Variants in PAPPA2 observed in about 807,000 individuals in gnomAD.
PAPPA2 encodes the protein pappalysin 2, also known as pappalysin-2.
A neutral mutation model predicts 176.4 loss-of-function variants in PAPPA2; 86 were observed. The observed-to-expected ratio is 0.49, with a 90% CI of 0.41 to 0.58. The LOEUF (loss-of-function observed/expected upper bound fraction) is 0.58. PAPPA2 is among the 20% of genes least tolerant of loss of function. PAPPA2 has a pLI of 0.00. For missense variants in PAPPA2, 2,073 were observed against 2,256.9 expected, an observed-to-expected ratio of 0.92 and a Z score of 1.65; for synonymous variants, 809 against 852.2, an observed-to-expected ratio of 0.95 and a Z score of 0.88.
intron 14 of PAPPA2, among the ~76,000 whole-genome samples, chr1:176,764,386 T>C (rs899916088): frequency 3.1e-4 from 47 of 152,276 alleles, no homozygotes; most frequent in African/African-American, 1.0e-3. Context: ...AGTAGAGGAA[T>C]AACAACTCTG....
chr1:176,518,539 A>C (rs1649045623), intron 1 of PAPPA2, among the ~76,000 whole-genome samples: 1 of 152,152 alleles, frequency 6.6e-6, no homozygotes, highest in Non-Finnish European at 1.5e-5. Flanking sequence ...GTTTGAAAGG[A>C]AGCTAAACAG....
intron 12 of PAPPA2, among the ~76,000 whole-genome samples, chr1:176,733,447 G>T (rs951930768): frequency 4.6e-5 from 7 of 151,930 alleles, no homozygotes; most frequent in African/African-American, 1.7e-4. Flanking sequence ...ATTCTCAGTG[G>T]GTCAATAGTT....
rs535355695 is a variant in PAPPA2, at chr1:176,764,599, T to C, written c.4152-1067T>C. On this transcript the variant is annotated intron_variant, in intron 14 of 22. Transcript: ENST00000367662. ...ACTCATTTTGCTCCAGTGTATTCTT[T>C]TTTTTTTTTTTTTTTGAGACGGAGT... Among the ~76,000 whole-genome samples, 939 of 150,098 alleles carry C rather than the reference T, an allele frequency of 6.3e-3. 6 individuals carry two copies. The highest frequency in any genetic ancestry group is 0.014 in the Middle Eastern group (4 of 288).
chr1:176,479,529 T>TC (rs1185397422), intron 1 of PAPPA2, among the ~76,000 whole-genome samples: 5 of 152,138 alleles, frequency 3.3e-5, no homozygotes, highest in Admixed American at 6.5e-5. Context: ...GGGAGAGGTT[T>TC]AGGGAGGAGA....
intron 3 of PAPPA2, among the ~76,000 whole-genome samples, chr1:176,597,154 G>A (rs1408787831): frequency 6.6e-6 from 1 of 152,138 alleles, no homozygotes; most frequent in Non-Finnish European, 1.5e-5. Context: ...TGGAATCAAG[G>A]GACATGGTTA....
intron 12 of PAPPA2, among the ~76,000 whole-genome samples, chr1:176,735,309 G>A (rs1377010934): frequency 6.6e-6 from 1 of 152,082 alleles, no homozygotes; most frequent in Non-Finnish European, 1.5e-5. Flanking sequence ...GTGGAATCAG[G>A]AAGTGCCATA....
chr1:176,567,665 T>C (rs1277128181), intron 2 of PAPPA2, among the ~76,000 whole-genome samples: 1 of 152,244 alleles, frequency 6.6e-6, no homozygotes, highest in African/African-American at 2.4e-5. Context: ...TTTAGGCCTG[T>C]AAACTGTAAA....
chr1:176,552,843 G>A (rs547930442), intron 1 of PAPPA2, among the ~76,000 whole-genome samples: 1 of 152,290 alleles, frequency 6.6e-6, no homozygotes, highest in African/African-American at 2.4e-5. Context: ...GTGAAAAAAA[G>A]GGGGAAAAAC....
chr1:176,683,842 AC>A (rs577225287), intron 4 of PAPPA2, among the ~76,000 whole-genome samples: 81 of 152,318 alleles, frequency 5.3e-4, no homozygotes, highest in African/African-American at 1.9e-3. Context: ...CTCAGATCAT[AC>A]AAACCTATTT....
intron 3 of PAPPA2, among the ~76,000 whole-genome samples, chr1:176,607,630 A>G (rs140988258): frequency 5.3e-5 from 8 of 152,228 alleles, no homozygotes; most frequent in African/African-American, 1.9e-4. Flanking sequence ...GGTTGACTGG[A>G]CTTTCTATTA....
At chr1:176,800,897 T>A (rs1665653110) in intron 21 of PAPPA2, among the ~76,000 whole-genome samples, 1 of 152,204 alleles carries the variant, frequency 6.6e-6, no homozygotes, top group Admixed American at 6.5e-5. Context: ...TCTTGTCTAC[T>A]TCTTCACATA....
chr1:176,599,602 T>C (rs1654193304), intron 3 of PAPPA2, among the ~76,000 whole-genome samples: 2 of 151,644 alleles, frequency 1.3e-5, no homozygotes, highest in South Asian at 4.1e-4. Flanking sequence ...AACCTTCTTA[T>C]TCTTTGATTA....
rs528544930 is a variant in PAPPA2, at chr1:176,536,698, G to A, written c.-916-18709G>A. 3.3e-5 allele frequency among the ~76,000 whole-genome samples: 5 copies of A among 152,306 alleles called. No homozygotes were observed. The South Asian group carries it at 6.2e-4, about 19-fold the overall frequency. On this transcript the variant is annotated intron_variant, in intron 1 of 22. Coordinates refer to ENST00000367662, the MANE Select transcript of PAPPA2 (RefSeq NM_020318.3). ...GACCATGGCAAAGCAGCAAGAGAAAGCATGCCCAATCTTGCATGCACTTTT... is the reference window on the plus strand; with the variant it reads ...GACCATGGCAAAGCAGCAAGAGAAAACATGCCCAATCTTGCATGCACTTTT...
At chr1:176,840,123 C>A in intron 21 of PAPPA2, 50 bp from the exon 22 acceptor site, 1 of 1,449,164 alleles carries the variant, frequency 6.9e-7, no homozygotes, top group Non-Finnish European at 9.7e-7. Context: ...CAGAGTCAAA[C>A]AAGACATAAT....
chr1:176,738,313 A>T (rs1207876171), intron 12 of PAPPA2, among the ~76,000 whole-genome samples: 1 of 152,116 alleles, frequency 6.6e-6, no homozygotes, highest in Non-Finnish European at 1.5e-5. Flanking sequence ...TTTCCCTTAA[A>T]GAAGGAGAGA....
chr1:176,661,810 C>T (rs1248453662), intron 3 of PAPPA2, among the ~76,000 whole-genome samples: 1 of 152,062 alleles, frequency 6.6e-6, no homozygotes, highest in Non-Finnish European at 1.5e-5. Context: ...AACAGTAAGA[C>T]AGACCAGAAG....
At chr1:176,689,192 G>C (rs1659983568) in intron 4 of PAPPA2, among the ~76,000 whole-genome samples, 1 of 152,148 alleles carries the variant, frequency 6.6e-6, no homozygotes. Context: ...AGGAAAGCTA[G>C]GTGGTTCAAC....
intron 1 of PAPPA2, among the ~76,000 whole-genome samples, chr1:176,510,572 A>G (rs1457190936): frequency 6.6e-6 from 1 of 152,120 alleles, no homozygotes; most frequent in Non-Finnish European, 1.5e-5. Context: ...GACATAAAGA[A>G]CCCTACAAAT....
At chr1:176,486,442 C>A (rs571284941) in intron 1 of PAPPA2, among the ~76,000 whole-genome samples, 2 of 152,158 alleles carry the variant, frequency 1.3e-5, no homozygotes, top group Non-Finnish European at 2.9e-5. Flanking sequence ...TAGACAGGTA[C>A]AGACATCTCT....
Sources: allele counts gnomAD v4.1 joint callset (sites outside exome capture counted in the v4.1 genomes callset), GRCh38; gene constraint gnomAD v4.1.1; transcripts MANE v1.5; gene names NCBI Gene and HGNC (gene_info 2026-07-23, HGNC 2026-07-21).